CDK17: variants seen among roughly 807,000 people sequenced by gnomAD.
CDK17 encodes the protein cyclin dependent kinase 17, also known as cyclin-dependent kinase 17.
In CDK17, 24 loss-of-function variants were observed where a neutral mutation model predicts 77.6. The ratio of observed to expected loss-of-function variants is 0.31; its 90% CI spans 0.22 to 0.44. The LOEUF (loss-of-function observed/expected upper bound fraction) is 0.44. Ranked by LOEUF, CDK17 falls within the 20% of genes least tolerant of loss-of-function variation. The probability of loss-of-function intolerance (pLI) is 1.00; values close to 1 mark genes in which losing one functional copy is unlikely to be tolerated. For missense variants in CDK17, 429 were observed against 622.5 expected, an observed-to-expected ratio of 0.69 and a Z score of 3.31; for synonymous variants, 203 against 210.4, an observed-to-expected ratio of 0.96 and a Z score of 0.30.
chr12:96,354,270 G>A (rs1486689001), intron 1 of CDK17, among the ~76,000 whole-genome samples: 1 of 152,184 alleles, frequency 6.6e-6, no homozygotes, highest in Non-Finnish European at 1.5e-5. Flanking sequence ...TCTTTCCACA[G>A]TAGCAAATTT....
intron 1 of CDK17, among the ~76,000 whole-genome samples, chr12:96,384,692 T>C (rs187058933): frequency 2.1e-4 from 32 of 152,230 alleles, no homozygotes; most frequent in Non-Finnish European, 3.7e-4. Context: ...TCACTTATAT[T>C]TGGGAGCTAA....
chr12:96,309,154 T>C (rs1952615485), intron 5 of CDK17, among the ~76,000 whole-genome samples: 1 of 152,192 alleles, frequency 6.6e-6, no homozygotes, highest in African/African-American at 2.4e-5. Flanking sequence ...GTTCAAGCCA[T>C]AGCTTTTATA....
At chr12:96,280,699 G>C in intron 16 of CDK17, 109 bp downstream of exon 16, 1 of 1,520,616 alleles carries the variant, frequency 6.6e-7, no homozygotes, top group East Asian at 2.4e-5. Flanking sequence ...GGAATGCACT[G>C]TACATTGGTT....
At chr12:96,372,523 C>A (rs1953711003) in intron 1 of CDK17, among the ~76,000 whole-genome samples, 1 of 152,028 alleles carries the variant, frequency 6.6e-6, no homozygotes, top group Non-Finnish European at 1.5e-5. Flanking sequence ...AGGAAGGGAG[C>A]ATAACAATGA....
chr12:96,290,040 C>G (rs1952303088), intron 10 of CDK17, among the ~76,000 whole-genome samples: 1 of 151,850 alleles, frequency 6.6e-6, no homozygotes, highest in Non-Finnish European at 1.5e-5. Context: ...AAAAAAATCG[C>G]AAAAAAATCT....
chr12:96,318,020 CA>C (rs1224872090), intron 3 of CDK17, among the ~76,000 whole-genome samples: 1 of 152,054 alleles, frequency 6.6e-6, no homozygotes, highest in East Asian at 1.9e-4. Flanking sequence ...GATAAAGAGT[CA>C]AGACTCATCA....
Position 96,298,944 on chromosome 12 carries a change from T to C in CDK17, c.640A>G (p.Thr214Ala), listed in dbSNP as rs776983203. ...ATVYKGRSKL[T>A]ENLVALKEIR... ...TCTTTTAATGCCACCAAATTCTCTG[T>C]CAATTTACTTCTTCCTTTATATACT... The change falls in exon 7 of 17, where the codon ACA becomes GCA. Residue 214 changes from threonine (T) to alanine (A), a missense_variant. Physicochemically the swap from Thr to Ala is moderately conservative, Grantham distance 58. This residue lies in a region of CDK17 where 262 missense variants were observed against 385.4 expected (regional missense o/e 0.68). Transcript: ENST00000261211. The C allele has an allele frequency of 1.2e-6, 2 of 1,607,598 alleles. No individual in the cohort carries two copies. The highest frequency in any genetic ancestry group is 1.7e-6 in the Non-Finnish European group (2 of 1,174,444).
intron 5 of CDK17, among the ~76,000 whole-genome samples, chr12:96,302,574 T>C (rs184053207): frequency 9.9e-5 from 15 of 152,222 alleles, no homozygotes; most frequent in African/African-American, 3.6e-4. Flanking sequence ...TGAATGTTCC[T>C]GAAAAAAATA....
At chr12:96,289,139 A>T (rs1952284767) in intron 11 of CDK17, 28 bp downstream of exon 11, 1 of 1,610,628 alleles carries the variant, frequency 6.2e-7, no homozygotes. Flanking sequence ...CAAAATTATA[A>T]ATGTCAGTGA....
chr12:96,369,913 T>G (rs919189669), intron 1 of CDK17, among the ~76,000 whole-genome samples: 1 of 152,216 alleles, frequency 6.6e-6, no homozygotes, highest in Non-Finnish European at 1.5e-5. Context: ...ACTCCTTAAC[T>G]GTTTCTTTAG....
chr12:96,286,182 AATAT>A (rs575925394), intron 12 of CDK17, 34 bp from the exon 13 acceptor site: 21 of 531,728 alleles, frequency 3.9e-5, no homozygotes, highest in African/African-American at 2.9e-4. Flanking sequence ...TATATTTATA[AATAT>A]ATATAAAATT....
chr12:96,327,154 C>A (rs1163650832), intron 2 of CDK17, among the ~76,000 whole-genome samples: 1 of 152,068 alleles, frequency 6.6e-6, no homozygotes, highest in African/African-American at 2.4e-5. Flanking sequence ...TATCTGTTTC[C>A]TGGGTTCTAT....
At chr12:96,377,849 A>ACAGG (rs1326675362) in intron 1 of CDK17, among the ~76,000 whole-genome samples, 3 of 151,866 alleles carry the variant, frequency 2.0e-5, no homozygotes, top group African/African-American at 7.3e-5. Context: ...GCCCGCCACT[A>ACAGG]CGCCCAGCTA....
rs372582983 is a variant in CDK17, at chr12:96,289,498, C to T, written c.998-211G>A. On this transcript the variant is annotated intron_variant, in intron 10 of 16. Coordinates refer to ENST00000261211, the MANE Select transcript of CDK17 (RefSeq NM_002595.5). Reference sequence around the variant, plus strand: ...ATAGTTGAACTAAACAAGAATTCCACAACCAGAGACTGTGCTTACTTTTAT... The same window carrying T: ...ATAGTTGAACTAAACAAGAATTCCATAACCAGAGACTGTGCTTACTTTTAT... Among the ~76,000 whole-genome samples, 251 of 152,258 alleles carry T rather than the reference C, an allele frequency of 1.6e-3. 1 individual carries two copies. The highest frequency in any genetic ancestry group is 0.014 in the Middle Eastern group (4 of 294).
chr12:96,395,226 C>G (rs1476364665), intron 1 of CDK17, among the ~76,000 whole-genome samples: 1 of 152,198 alleles, frequency 6.6e-6, no homozygotes, highest in Non-Finnish European at 1.5e-5. Flanking sequence ...TCATTTTGAG[C>G]AACATGTCCT....
rs551463359 is a variant in CDK17, at chr12:96,278,708, T to C, written c.*1534A>G. The stretch of plus-strand genomic sequence containing the variant: ...TACAAGGTTTAACATAAAACCAATT[T>C]ACAAATGTGAAAAGCAGTAGTGGTC... On this transcript the variant is annotated 3_prime_UTR_variant, in exon 17 of 17. Coordinates refer to ENST00000261211, the MANE Select transcript of CDK17 (RefSeq NM_002595.5). 1 of 152,604 alleles carries C rather than the reference T, an allele frequency of 6.6e-6. No homozygotes were observed. The highest frequency in any genetic ancestry group is 1.5e-5 in the Non-Finnish European group (1 of 67,978). 9.5% of individuals were successfully genotyped at this position (152,604 alleles called of 1,614,324 possible).
Position 96,286,028 on chromosome 12 carries a change from A to G in CDK17, c.1322+15T>C. ...TCATGTGTTTTCCCCCCTTTCACATAAGAAAAAAAAATACCTGGGTGCGTG... is the reference window on the plus strand; with the variant it reads ...TCATGTGTTTTCCCCCCTTTCACATGAGAAAAAAAAATACCTGGGTGCGTG... On this transcript the variant is annotated intron_variant, in intron 13 of 16. Transcript: ENST00000261211. The G allele has an allele frequency of 7.3e-7, 1 of 1,368,252 alleles. No homozygotes were observed. Among genetic ancestry groups the G allele is most frequent in the East Asian group, 2.4e-5 (1 of 41,824 alleles). 84.8% of individuals were successfully genotyped at this position (1,368,252 alleles called of 1,614,324 possible).
At position 96,400,008 on chromosome 12, in the gene CDK17, T is replaced by A; in HGVS notation, c.-52A>T. 2.6e-6 allele frequency: 1 copy of A among 383,296 alleles called. No homozygotes were observed. Among genetic ancestry groups the A allele is most frequent in the Non-Finnish European group, 4.6e-6 (1 of 216,646 alleles). The allele number at this position is 383,296 out of a possible 1,614,324, so 23.7% of individuals were successfully genotyped here. A position where few individuals can be genotyped will look rare whatever the true frequency, so the allele number is the denominator to read the frequency against. On this transcript the variant is annotated 5_prime_UTR_variant, in exon 1 of 17. Transcript: ENST00000261211. ...CACCAGCAAGAGCGGGGACCGCGGG[T>A]CCCGAGGCGAGGCGAAGAGAGGCGC...
intron 1 of CDK17, among the ~76,000 whole-genome samples, 169 bp downstream of exon 1, chr12:96,399,817 G>A (rs143465358): frequency 4.0e-5 from 6 of 151,868 alleles, no homozygotes; most frequent in African/African-American, 1.4e-4. Flanking sequence ...GGTGACAGGC[G>A]CACGCTAGCC....
Sources: gnomAD v4.1 joint callset for allele counts (sites outside exome capture counted in the v4.1 genomes callset) on GRCh38, gnomAD v4.1.1 for gene constraint, gnomAD v4.1.1 regional missense constraint, MANE v1.5 for transcripts, NCBI Gene and HGNC (gene_info 2026-07-23, HGNC 2026-07-21) for gene names.